Variants in SORCS1 observed in about 807,000 individuals in gnomAD.
SORCS1 encodes sortilin related VPS10 domain containing receptor 1, also known as VPS10 domain-containing receptor SorCS1.
Under a neutral mutation model 146.1 loss-of-function variants are expected in SORCS1, and 60 were observed. The observed-to-expected ratio is 0.41, with a 90% CI of 0.33 to 0.51. SORCS1 has a LOEUF of 0.51. SORCS1 is among the 20% of genes least tolerant of loss of function. The pLI, the probability that SORCS1 is intolerant of heterozygous loss-of-function variation, is 0.21. For synonymous variants in SORCS1, 637 were observed against 584.0 expected, an observed-to-expected ratio of 1.09 and a Z score of -1.31; for missense variants, 1,352 against 1,487.6, an observed-to-expected ratio of 0.91 and a Z score of 1.50.
chr10:106,881,691 C>T (rs7098073), intron 2 of SORCS1, among the ~76,000 whole-genome samples: 8,073 of 152,222 alleles, frequency 0.053, 325 homozygotes, highest in East Asian at 0.13. Context: ...TAGAGACCAA[C>T]GGGCTTAACA....
intron 6 of SORCS1, among the ~76,000 whole-genome samples, chr10:106,727,278 T>A (rs1481004425): frequency 2.0e-5 from 3 of 152,186 alleles, no homozygotes; most frequent in Non-Finnish European, 4.4e-5. Flanking sequence ...CAGCCGGGTA[T>A]GCCATCATTC....
At chr10:106,625,276 A>G (rs955534460) in intron 19 of SORCS1, among the ~76,000 whole-genome samples, 93 of 150,948 alleles carry the variant, frequency 6.2e-4, no homozygotes, top group African/African-American at 2.2e-3. Flanking sequence ...TGCCTGCAGC[A>G]TTTATGATGT....
chr10:106,672,410 C>T (rs73378348), intron 15 of SORCS1, among the ~76,000 whole-genome samples: 8,765 of 152,132 alleles, frequency 0.058, 498 homozygotes, highest in African/African-American at 0.15. Context: ...CAAAAAGTAC[C>T]ATATAGTTCC....
chr10:106,916,490 CATATATAATTATGTACATAATTATGTATT>C (rs1159007200), intron 2 of SORCS1, among the ~76,000 whole-genome samples: 1 of 146,154 alleles, frequency 6.8e-6, no homozygotes, highest in South Asian at 2.1e-4. Flanking sequence ...ATATTATATA[CATATATAATTATGTACATAATTATGTATT>C]ATATATAATT....
chr10:106,703,582 TA>T (rs1854289307), intron 8 of SORCS1, among the ~76,000 whole-genome samples: 1 of 152,200 alleles, frequency 6.6e-6, no homozygotes. Context: ...TATTAGTAAA[TA>T]TTTTTTTGAG....
At chr10:107,173,992 C>T in the SORCS1 span, among the ~76,000 whole-genome samples, 14 of 152,064 alleles carry the variant, frequency 9.2e-5, no homozygotes, top group African/African-American at 3.4e-4. Flanking sequence ...GTTCTTCCAG[C>T]GTGTTCTAGA....
chr10:106,652,693 G>C (rs1849966580), intron 17 of SORCS1, 140 bp from the exon 18 acceptor site: 1 of 819,904 alleles, frequency 1.2e-6, no homozygotes, highest in Admixed American at 2.9e-5. Flanking sequence ...TGAGGAGTAG[G>C]GTTAATTCAT....
At chr10:106,997,199 T>TTTACTTACCATTAC (rs2139568853) in intron 1 of SORCS1, among the ~76,000 whole-genome samples, 1 of 152,288 alleles carries the variant, frequency 6.6e-6, no homozygotes, top group African/African-American at 2.4e-5. Flanking sequence ...ATTACTTACC[T>TTTACTTACCATTAC]TTAGACTCAG....
rs142634868 is a variant in SORCS1, at chr10:106,787,593, C to T, written c.727-10901G>A. On this transcript the variant is annotated intron_variant, in intron 3 of 25. Transcript: ENST00000263054. ...GGGAATCCACACTTCAAGAAAATAA[C>T]CACAAAATCAGCTCTCTTGACATCA... Among the ~76,000 whole-genome samples, 12 of 152,314 alleles carry T rather than the reference C, an allele frequency of 7.9e-5. No homozygotes were observed. In the East Asian group the frequency reaches 1.7e-3, roughly 22 times the overall value.
chr10:107,083,764 C>T (rs1005320606), intron 1 of SORCS1, among the ~76,000 whole-genome samples: 2 of 152,156 alleles, frequency 1.3e-5, no homozygotes, highest in East Asian at 3.9e-4. Flanking sequence ...AGGATGAGGG[C>T]TGCATATGAG....
intron 2 of SORCS1, among the ~76,000 whole-genome samples, chr10:106,951,232 CCGGGCA>C (rs1192471878): frequency 6.6e-6 from 1 of 152,124 alleles, no homozygotes; most frequent in Non-Finnish European, 1.5e-5. Flanking sequence ...GAACATCTGG[CCGGGCA>C]CGGTGGTTAA....
chr10:107,114,996 C>A (rs914951139), intron 1 of SORCS1, among the ~76,000 whole-genome samples: 1 of 151,906 alleles, frequency 6.6e-6, no homozygotes, highest in Admixed American at 6.6e-5. Flanking sequence ...AAATTGAGAT[C>A]CCATTTACAA....
intron 17 of SORCS1, among the ~76,000 whole-genome samples, chr10:106,657,661 ATGTG>A (rs10561308): frequency 0.19 from 27,514 of 144,932 alleles, 3,626 homozygotes; most frequent in African/African-American, 0.37. Flanking sequence ...ATAACACTAT[ATGTG>A]TGTGTGTGTG....
At chr10:106,911,824 G>A (rs1374096221) in intron 2 of SORCS1, among the ~76,000 whole-genome samples, 1 of 152,082 alleles carries the variant, frequency 6.6e-6, no homozygotes, top group South Asian at 2.1e-4. Context: ...ATTAAAAGCT[G>A]CTCAGGGACT....
chr10:106,586,058 G>A lies in SORCS1; in HGVS notation c.3266-6584C>T, dbSNP rs75659561. On this transcript the variant is annotated intron_variant, in intron 24 of 25. Transcript: ENST00000263054. ...AAGCCACTGAACTTCTAGGTGGTTT[G>A]TTACATAGCAATAGCTTATTTACTT... Among the ~76,000 whole-genome samples the A allele has an allele frequency of 6.0e-4, 92 of 152,292 alleles. 1 individual carries two copies. In the East Asian group the frequency reaches 0.015, roughly 25 times the overall value.
chr10:106,985,976 T>A (rs1455283146), intron 1 of SORCS1, among the ~76,000 whole-genome samples: 1 of 152,050 alleles, frequency 6.6e-6, no homozygotes, highest in Non-Finnish European at 1.5e-5. Flanking sequence ...TCTTCATAGA[T>A]CTAGTAAGCT....
intron 1 of SORCS1, among the ~76,000 whole-genome samples, chr10:107,155,694 C>A (rs1408777453): frequency 6.6e-6 from 1 of 152,044 alleles, no homozygotes; most frequent in African/African-American, 2.4e-5. Context: ...ACCCATCCAC[C>A]ACCCGGCCCC....
intron 1 of SORCS1, among the ~76,000 whole-genome samples, chr10:107,102,687 C>T (rs541992879): frequency 6.6e-5 from 10 of 152,114 alleles, no homozygotes; most frequent in African/African-American, 1.4e-4. Context: ...ACATGCAAAG[C>T]GATAAACTGT....
chr10:107,082,934 G>A (rs964748791), intron 1 of SORCS1, among the ~76,000 whole-genome samples: 8 of 151,606 alleles, frequency 5.3e-5, no homozygotes, highest in East Asian at 1.9e-4. Flanking sequence ...GTGAAACCCC[G>A]TCTCTAGAAA....
Sources: gnomAD v4.1 joint callset for allele counts (sites outside exome capture counted in the v4.1 genomes callset) on GRCh38, gnomAD v4.1.1 for gene constraint, MANE v1.5 for transcripts, NCBI Gene and HGNC (gene_info 2026-07-23, HGNC 2026-07-21) for gene names.